Variants in ITFG1 observed in about 807,000 individuals in gnomAD.
The protein encoded by ITFG1 is T-cell immunomodulatory protein.
In ITFG1, 34 loss-of-function variants were observed where a neutral mutation model predicts 81.8. That is an observed-to-expected ratio of 0.42 (90% CI 0.32 to 0.55). ITFG1 has a LOEUF of 0.55. Ranked by LOEUF, ITFG1 falls within the 20% of genes least tolerant of loss-of-function variation. ITFG1 has a pLI of 0.17. For synonymous variants in ITFG1, 285 were observed against 270.6 expected, an observed-to-expected ratio of 1.05 and a Z score of -0.52; for missense variants, 672 against 755.4, an observed-to-expected ratio of 0.89 and a Z score of 1.29.
At chr16:47,164,518 C>G (rs574386509) in intron 14 of ITFG1, among the ~76,000 whole-genome samples, 1 of 152,304 alleles carries the variant, frequency 6.6e-6, no homozygotes, top group South Asian at 2.1e-4. Flanking sequence ...AGGTGTTTTC[C>G]TTTCTAGGAA....
chr16:47,460,359 G>A (rs528853653), intron 1 of ITFG1, among the ~76,000 whole-genome samples: 1 of 152,244 alleles, frequency 6.6e-6, no homozygotes, highest in Non-Finnish European at 1.5e-5. Context: ...AATTAGGTAG[G>A]TGGGGAGGCA....
chr16:47,323,810 G>A (rs1278848714), intron 8 of ITFG1, among the ~76,000 whole-genome samples: 4 of 152,012 alleles, frequency 2.6e-5, no homozygotes, highest in Non-Finnish European at 5.9e-5. Context: ...CCATGATGAT[G>A]GTGGAAATGT....
intron 8 of ITFG1, among the ~76,000 whole-genome samples, chr16:47,326,438 A>G (rs907514100): frequency 6.6e-6 from 1 of 152,194 alleles, no homozygotes; most frequent in Non-Finnish European, 1.5e-5. Context: ...CTCTCTCACC[A>G]CTAATATTCA....
chr16:47,390,139 G>T (rs1353360883), intron 6 of ITFG1, among the ~76,000 whole-genome samples: 1 of 152,190 alleles, frequency 6.6e-6, no homozygotes, highest in East Asian at 1.9e-4. Context: ...AGTCTGTTAA[G>T]ACTGGAGCTC....
chr16:47,275,317 T>C (rs1482673601), intron 10 of ITFG1, among the ~76,000 whole-genome samples: 3 of 152,160 alleles, frequency 2.0e-5, no homozygotes, highest in Non-Finnish European at 4.4e-5. Flanking sequence ...TTTTGGATTA[T>C]ACAGGGCACT....
intron 10 of ITFG1, among the ~76,000 whole-genome samples, chr16:47,274,637 A>G (rs566896684): frequency 6.6e-6 from 1 of 152,162 alleles, no homozygotes; most frequent in Non-Finnish European, 1.5e-5. Flanking sequence ...CTCTCTTCTT[A>G]TTATAATGGT....
chr16:47,350,030 C>T (rs891781378), intron 8 of ITFG1, among the ~76,000 whole-genome samples: 1 of 152,100 alleles, frequency 6.6e-6, no homozygotes. Flanking sequence ...AACAAAGACA[C>T]AACATACCAG....
At chr16:47,363,721 T>A (rs1968139642) in intron 8 of ITFG1, among the ~76,000 whole-genome samples, 1 of 152,224 alleles carries the variant, frequency 6.6e-6, no homozygotes, top group South Asian at 2.1e-4. Flanking sequence ...TAAATTAACA[T>A]ATTATTCTAG....
chr16:47,460,837 C>T lies in ITFG1; in HGVS notation c.208+1G>A. On this transcript the variant is annotated splice_donor_variant, in intron 1 of 17. Transcript: ENST00000320640. LOFTEE classifies it high-confidence loss of function. ...AGAGGGAGGGCCCGGCAAGCACTGA[C>T]TTTCCCGCAGCACGAAGAGATCCGT... 1 of 1,613,240 alleles carries T rather than the reference C, an allele frequency of 6.2e-7. No homozygotes were observed. Among genetic ancestry groups the T allele is most frequent in the Non-Finnish European group, 8.5e-7 (1 of 1,179,862 alleles).
At chr16:47,205,005 A>T (rs1199468298) in intron 14 of ITFG1, among the ~76,000 whole-genome samples, 1 of 152,190 alleles carries the variant, frequency 6.6e-6, no homozygotes, top group African/African-American at 2.4e-5. Context: ...GCCTCTCCAA[A>T]TCTTTTCCTA....
rs58886060 is a variant in ITFG1, at chr16:47,205,828, T to TTATCTATCTATC, written c.1453+13028_1453+13039dup. On this transcript the variant is annotated intron_variant, in intron 14 of 17. Transcript: ENST00000320640. Reference sequence around the variant, plus strand: ...GTCAATTTCCCCAGCTGGAATTAAATTATCTATCTATCTATCTATCTATCT... The same window carrying TTATCTATCTATC: ...GTCAATTTCCCCAGCTGGAATTAAATTATCTATCTATCTATCTATCTATCTATCTATCTATCT... Among the ~76,000 whole-genome samples the TTATCTATCTATC allele has an allele frequency of 2.0e-3, 288 of 143,070 alleles. 3 individuals carry two copies. The highest frequency in any genetic ancestry group is 6.9e-3 in the Middle Eastern group (2 of 288). The allele number at this position is 143,070 out of a possible 152,430, so 93.9% of individuals were successfully genotyped here. A position where few individuals can be genotyped will look rare whatever the true frequency, so the allele number is the denominator to read the frequency against.
At chr16:47,221,671 C>T (rs188741620) in intron 13 of ITFG1, among the ~76,000 whole-genome samples, 115 of 152,240 alleles carry the variant, frequency 7.6e-4, no homozygotes, top group African/African-American at 2.4e-3. Context: ...CCAGTTCCTC[C>T]TTGTACCTCT....
Position 47,401,077 on chromosome 16 carries a change from G to A in ITFG1, c.656-25137C>T, listed in dbSNP as rs560763643. ...AAGTAAGCAGGAGGTACTTGCAGCC[G>A]AATCCAGAGTAGCTGCAATGGAATG... On this transcript the variant is annotated intron_variant, in intron 6 of 17. Coordinates refer to ENST00000320640, the MANE Select transcript of ITFG1 (RefSeq NM_030790.5). 7.2e-4 allele frequency among the ~76,000 whole-genome samples: 110 copies of A among 152,252 alleles called. 1 individual carries two copies. The highest frequency in any genetic ancestry group is 2.1e-3 in the African/African-American group (88 of 41,548).
intron 8 of ITFG1, among the ~76,000 whole-genome samples, chr16:47,323,727 T>C (rs905387679): frequency 4.9e-4 from 75 of 152,126 alleles, no homozygotes; most frequent in African/African-American, 1.7e-3. Flanking sequence ...AAAAGCTGAC[T>C]ATCTCAGTGA....
At chr16:47,358,082 G>A (rs1472547917) in intron 8 of ITFG1, among the ~76,000 whole-genome samples, 1 of 152,116 alleles carries the variant, frequency 6.6e-6, no homozygotes, top group Non-Finnish European at 1.5e-5. Context: ...CTAATGACCT[G>A]GGTTTATTAT....
chr16:47,222,612 A>G (rs1965707413), intron 13 of ITFG1, among the ~76,000 whole-genome samples: 1 of 151,870 alleles, frequency 6.6e-6, no homozygotes, highest in South Asian at 2.1e-4. Flanking sequence ...ACGGGGTTTC[A>G]CCATGTTAGC....
At chr16:47,224,818 G>C (rs1965738166) in intron 13 of ITFG1, among the ~76,000 whole-genome samples, 1 of 152,124 alleles carries the variant, frequency 6.6e-6, no homozygotes, top group Admixed American at 6.5e-5. Context: ...GGCAATATGG[G>C]GAGGCCCTGT....
At chr16:47,168,484 G>C (rs1165846823) in intron 14 of ITFG1, among the ~76,000 whole-genome samples, 1 of 151,336 alleles carries the variant, frequency 6.6e-6, no homozygotes, top group African/African-American at 2.4e-5. Flanking sequence ...AGTGATCCCA[G>C]CTCAGCTTCC....
intron 13 of ITFG1, among the ~76,000 whole-genome samples, chr16:47,234,030 T>C (rs911453538): frequency 2.0e-5 from 3 of 152,182 alleles, no homozygotes; most frequent in Non-Finnish European, 4.4e-5. Flanking sequence ...ACCTTAAAAC[T>C]TCCACAGTAA....
Sources: gnomAD v4.1 joint callset for allele counts (sites outside exome capture counted in the v4.1 genomes callset) on GRCh38, gnomAD v4.1.1 for gene constraint, MANE v1.5 for transcripts, NCBI Gene and HGNC (gene_info 2026-07-23, HGNC 2026-07-21) for gene names.